Variants in COL6A2 observed in about 807,000 individuals in gnomAD.
COL6A2 encodes collagen type VI alpha 2 chain.
Under a neutral mutation model 124.9 loss-of-function variants are expected in COL6A2, and 90 were observed. The ratio of observed to expected loss-of-function variants is 0.72; its 90% CI spans 0.61 to 0.86. The LOEUF is 0.86. Ranked by LOEUF, COL6A2 falls within the 40% of genes least tolerant of loss-of-function variation. The pLI, the probability that COL6A2 is intolerant of heterozygous loss-of-function variation, is 0.00. For synonymous variants in COL6A2, 793 were observed against 618.2 expected (o/e 1.28, Z -4.19); for missense variants, 1,607 against 1,502.5 (o/e 1.07, Z -1.15).
chr21:46,111,587 C>T lies in COL6A2; in HGVS notation c.111C>T (p.Cys37=), dbSNP rs986393872. The change falls in exon 2 of 28, where the codon TGC becomes TGT. Residue 37 remains cysteine, a synonymous_variant. Transcript: ENST00000300527. ...ACACTACCGAGAGAAACAACAACTG[C>T]CCAGGTGCCAGGGGTCGGGGGCCGG... ...SPDTTERNNN[C]PEKTDCPIHV... is the part of the protein sequence containing the mutation. 2 of 1,611,852 alleles carry T rather than the reference C, an allele frequency of 1.2e-6. No homozygotes were observed. Among genetic ancestry groups the T allele is most frequent in the Non-Finnish European group, 1.7e-6 (2 of 1,179,254 alleles).
At position 46,132,092 on chromosome 21, in the gene COL6A2, G is replaced by T. The variant is rs61735831; in HGVS notation, c.2600G>T (p.Arg867Leu). The T allele has an allele frequency of 2.5e-6, 4 of 1,597,224 alleles. No individual in the cohort carries two copies. The highest frequency in any genetic ancestry group is 1.3e-5 in the African/African-American group (1 of 74,550). ...GTGGCGCGGCGGCTGACGCTGGCCC[G>T]GAGGGACGACGACCCTCTCAACGCA... ...EQVARRLTLA[R>L]RDDDPLNARV... Residue 867 changes from arginine to leucine, a missense_variant, in exon 28 of 28, where the codon CGG (arginine) becomes CTG (leucine). By Grantham distance (102) the Arg-to-Leu change is moderately radical. This residue lies in a region of COL6A2 where 1,223 missense variants were observed against 1,052.2 expected (regional missense o/e 1.16). Transcript: ENST00000300527.
In COL6A2 at chr21:46,112,335, G is replaced by A. The variant is rs201792591; in HGVS notation, c.472G>A (p.Val158Met). The A allele has an allele frequency of 2.7e-5, 43 of 1,610,786 alleles. 1 individual carries two copies. Among genetic ancestry groups the A allele is most frequent in the African/African-American group, 6.7e-5 (5 of 74,902 alleles). Residue 158 changes from valine to methionine, a missense_variant, in exon 3 of 28, where the codon GTG becomes ATG. Val to Met is a conservative substitution (Grantham distance 21). Coordinates refer to ENST00000300527, the MANE Select transcript of COL6A2 (RefSeq NM_001849.4). ...CAGCAAGGGCACCGTCCACTTCGCCGTGGTCATCACCGACGGCCACGTCAC... is the reference window on the plus strand; with the variant it reads ...CAGCAAGGGCACCGTCCACTTCGCCATGGTCATCACCGACGGCCACGTCAC... ...DRSKGTVHFA[V>M]VITDGHVTGS...
chr21:46,124,831 A>T (rs2078634455), intron 22 of COL6A2, 54 bp from the exon 23 acceptor site: 1 of 1,609,202 alleles, frequency 6.2e-7, no homozygotes. Context: ...CCTGGGAGAG[A>T]CTCAGCCACC....
intron 25 of COL6A2, 41 bp downstream of exon 25, chr21:46,125,658 G>C (rs374048970): frequency 6.3e-7 from 1 of 1,596,314 alleles, no homozygotes; most frequent in Non-Finnish European, 8.5e-7. Context: ...CGGGGGGCCG[G>C]GCGGGGCGTG....
intron 1 of COL6A2, among the ~76,000 whole-genome samples, chr21:46,110,193 G>T (rs1359421600): frequency 6.6e-6 from 1 of 152,170 alleles, no homozygotes. Context: ...CCCCAGGGAG[G>T]CAGTCTGCGG....
At chr21:46,125,181 TC>T in intron 23 of COL6A2, 84 bp from the exon 24 acceptor site, 1 of 1,355,570 alleles carries the variant, frequency 7.4e-7, no homozygotes, top group Non-Finnish European at 1.0e-6. Context: ...GGCTGGAATG[TC>T]CCGGGACCCC....
In COL6A2 at chr21:46,125,297, C is replaced by A. The variant is rs199849336; in HGVS notation, c.1802C>A (p.Thr601Asn). ...GACGTCATGACCTACGTGAGGGAGA[C>A]CTGCGGGTGCTGCGGTGAGGCACTG... ...ECDVMTYVRE[T>N]CGCCDCEKRC... Residue 601 changes from threonine (T) to asparagine (N), a missense_variant, in exon 24 of 28, where the codon ACC becomes AAC. Around this residue, in one of 3 missense-constraint regions of COL6A2, gnomAD observed 1,223 missense variants for 1,052.2 expected, o/e 1.16. Coordinates refer to ENST00000300527, the MANE Select transcript of COL6A2 (RefSeq NM_001849.4). The A allele has an allele frequency of 2.5e-6, 4 of 1,611,410 alleles. No homozygotes were observed. The highest frequency in any genetic ancestry group is 1.3e-5 in the African/African-American group (1 of 74,902).
At chr21:46,129,693 T>TTTAATGATACGGCGA in intron 27 of COL6A2, 1 of 1,415,434 alleles carries the variant, frequency 7.1e-7, no homozygotes, top group East Asian at 2.5e-5. Context: ...GGCTGCATCT[T>TTTAATGATACGGCGA]CCAGTCTCTC....
chr21:46,130,451 G>A (rs2078746119), intron 27 of COL6A2, among the ~76,000 whole-genome samples: 2 of 152,170 alleles, frequency 1.3e-5, no homozygotes, highest in African/African-American at 4.8e-5. Flanking sequence ...GCACGGCTGT[G>A]ACCATTTCTC....
intron 4 of COL6A2, chr21:46,113,050 C>T (rs1425135991): frequency 1.5e-5 from 9 of 619,968 alleles, no homozygotes; most frequent in African/African-American, 1.3e-4. Context: ...ACCCACAGAG[C>T]ACGTGTTACA....
At chr21:46,129,095 G>T in intron 27 of COL6A2, 2 of 1,602,636 alleles carry the variant, frequency 1.2e-6, no homozygotes, top group Non-Finnish European at 8.5e-7. Flanking sequence ...CAGCCCAAAT[G>T]CCGCTCTTCA....
chr21:46,100,577 T>C (rs1238425355), intron 1 of COL6A2, among the ~76,000 whole-genome samples: 5 of 152,180 alleles, frequency 3.3e-5, no homozygotes, highest in African/African-American at 1.2e-4. Flanking sequence ...TTCCCTCCCC[T>C]GGCAGCCACC....
chr21:46,110,939 T>C (rs562991424), intron 1 of COL6A2, among the ~76,000 whole-genome samples: 1 of 152,338 alleles, frequency 6.6e-6, no homozygotes, highest in Admixed American at 6.5e-5. Context: ...TCCCTACACT[T>C]GACAGAGTCC....
intron 22 of COL6A2, 68 bp downstream of exon 22, chr21:46,124,781 G>A: frequency 6.2e-7 from 1 of 1,602,990 alleles, no homozygotes; most frequent in Middle Eastern, 1.7e-4. Flanking sequence ...CAAGCCTCGT[G>A]GTTCTGCCCA....
rs750083779 is a variant in COL6A2, at chr21:46,121,616, A to G, written c.1519A>G (p.Lys507Glu). The change falls in exon 18 of 28, where the codon AAG becomes GAG. Residue 507 changes from lysine to glutamate, a missense_variant and splice_region_variant. Physicochemically the swap from Lys to Glu is moderately conservative, Grantham distance 56. This residue lies in a region of COL6A2 where 1,223 missense variants were observed against 1,052.2 expected (regional missense o/e 1.16). Transcript: ENST00000300527. ...TGGAGACTCAGGACAGCCAGGCCCCAAGGTACGTGCCCCTCCCCCAGCAGG... is the reference window on the plus strand; with the variant it reads ...TGGAGACTCAGGACAGCCAGGCCCCGAGGTACGTGCCCCTCCCCCAGCAGG... Reference protein sequence around the residue: ...PRGDSGQPGPKGDPGRPGFSY... With the variant: ...PRGDSGQPGPEGDPGRPGFSY... 5.6e-6 allele frequency: 9 copies of G among 1,612,534 alleles called. No individual in the cohort carries two copies. Among genetic ancestry groups the G allele is most frequent in the Non-Finnish European group, 7.6e-6 (9 of 1,179,900 alleles).
At chr21:46,124,979 G>T (rs1458950491) in intron 23 of COL6A2, 59 bp downstream of exon 23, 29 of 1,598,002 alleles carry the variant, frequency 1.8e-5, no homozygotes, top group Non-Finnish European at 2.3e-5. Context: ...GACACCAAGA[G>T]CAGCAGGGGT....
At chr21:46,126,334 T>G in intron 26 of COL6A2, 97 bp downstream of exon 26, 2 of 1,506,060 alleles carry the variant, frequency 1.3e-6, no homozygotes, top group Non-Finnish European at 1.8e-6. Context: ...GAGGGATGAA[T>G]GTGCAGCCCA....
chr21:46,115,811 G>A (rs1349892707), intron 5 of COL6A2, 61 bp from the exon 6 acceptor site: 2 of 1,474,838 alleles, frequency 1.4e-6, no homozygotes, highest in Non-Finnish European at 1.9e-6. Context: ...CTGTGGCAGG[G>A]TCCCCAGCTG....
In COL6A2 at chr21:46,132,279, GCGCAGCCCGCGTGGCGGGGCCCGGAGGCA is replaced by G. The variant is rs745716104; in HGVS notation, c.2793_2821del (p.Ser931ArgfsTer52). 2.5e-6 allele frequency: 4 copies of G among 1,606,482 alleles called. No individual in the cohort carries two copies. The highest frequency in any genetic ancestry group is 3.4e-6 in the Non-Finnish European group (4 of 1,179,060). ...TGGTGCACGCCATCAATGCCATCGT[GCGCAGCCCGCGTGGCGGGGCCCGGAGGCA>G]CGCAGAGCTGTCCTTCGTGTTCCTC... On this transcript the variant is annotated frameshift_variant, in exon 28 of 28. Coordinates refer to ENST00000300527, the MANE Select transcript of COL6A2 (RefSeq NM_001849.4). LOFTEE classifies it high-confidence loss of function.
Sources: allele counts gnomAD v4.1 joint callset (sites outside exome capture counted in the v4.1 genomes callset), GRCh38; gene constraint gnomAD v4.1.1; regional missense constraint gnomAD v4.1.1; transcripts MANE v1.5; gene names NCBI Gene and HGNC (gene_info 2026-07-23, HGNC 2026-07-21).